MBNL2: variants seen among roughly 807,000 people sequenced by gnomAD.
The protein encoded by MBNL2 is muscleblind like splicing regulator 2, also known as muscleblind-like protein 2.
Under a neutral mutation model 41.9 loss-of-function variants are expected in MBNL2, and 17 were observed. That is an observed-to-expected ratio of 0.41 (90% confidence interval 0.28 to 0.61). MBNL2 has a LOEUF of 0.61. Ranked by LOEUF, MBNL2 falls within the 20% of genes least tolerant of loss-of-function variation. MBNL2 has a pLI of 0.35. For missense variants in MBNL2, 336 were observed against 505.6 expected (o/e 0.66, Z 3.22); for synonymous variants, 195 against 182.9 (o/e 1.07, Z -0.53).
intron 1 of MBNL2, among the ~76,000 whole-genome samples, chr13:97,271,856 C>T (rs771379119): frequency 1.3e-5 from 2 of 152,174 alleles, no homozygotes; most frequent in African/African-American, 4.8e-5. Context: ...CATGTCTTTG[C>T]TATTGTAAAT....
intron 2 of MBNL2, among the ~76,000 whole-genome samples, chr13:97,313,519 G>A (rs1424522144): frequency 2.0e-5 from 3 of 152,168 alleles, no homozygotes; most frequent in Non-Finnish European, 4.4e-5. Context: ...GATTAAATGG[G>A]GTTGGCAGAA....
the MBNL2 span, among the ~76,000 whole-genome samples, chr13:97,155,026 G>A: frequency 2.6e-5 from 4 of 152,182 alleles, no homozygotes; most frequent in East Asian, 3.9e-4. Flanking sequence ...ATGAGTAATC[G>A]TCCCTTCAAC....
chr13:97,232,180 T>C (rs556983729), intron 1 of MBNL2, among the ~76,000 whole-genome samples: 1 of 152,350 alleles, frequency 6.6e-6, no homozygotes, highest in East Asian at 1.9e-4. Flanking sequence ...TACCTTGTTA[T>C]AGGTCATCCA....
At chr13:97,281,194 C>A (rs968281842) in intron 2 of MBNL2, among the ~76,000 whole-genome samples, 1 of 152,196 alleles carries the variant, frequency 6.6e-6, no homozygotes, top group African/African-American at 2.4e-5. Flanking sequence ...TCAGATAGGG[C>A]TGCTGGATTT....
the MBNL2 span, among the ~76,000 whole-genome samples, chr13:97,180,550 C>T: frequency 7.5e-4 from 114 of 152,010 alleles, 1 homozygote; most frequent in African/African-American, 2.6e-3. Context: ...GCCTAGGCAA[C>T]ATGGTGAAAC....
chr13:97,272,142 A>C (rs1035669367), intron 1 of MBNL2, among the ~76,000 whole-genome samples: 1 of 152,020 alleles, frequency 6.6e-6, no homozygotes, highest in Non-Finnish European at 1.5e-5. Flanking sequence ...ATGGTATCTC[A>C]TTGTGGTTTT....
chr13:97,145,374 G>C, the MBNL2 span, among the ~76,000 whole-genome samples: 2 of 152,200 alleles, frequency 1.3e-5, no homozygotes, highest in African/African-American at 2.4e-5. Context: ...TAATGAAAGA[G>C]AGAAAAGAGA....
intron 8 of MBNL2, among the ~76,000 whole-genome samples, chr13:97,368,671 A>G (rs994203224): frequency 6.6e-6 from 1 of 151,470 alleles, no homozygotes; most frequent in Non-Finnish European, 1.5e-5. Flanking sequence ...AAAAACTTTG[A>G]GAGAGAGATT....
chr13:97,344,699 G>A (rs2061697444), intron 4 of MBNL2, among the ~76,000 whole-genome samples: 1 of 152,208 alleles, frequency 6.6e-6, no homozygotes, highest in African/African-American at 2.4e-5. Flanking sequence ...ACCTTTCACA[G>A]GACTGGAAAA....
At chr13:97,280,615 A>T (rs1161506062) in intron 2 of MBNL2, among the ~76,000 whole-genome samples, 1 of 152,206 alleles carries the variant, frequency 6.6e-6, no homozygotes, top group African/African-American at 2.4e-5. Context: ...GTAAAGAGCA[A>T]CACTGCAAAG....
At chr13:97,276,430 T>C (rs1487122309) in intron 2 of MBNL2, 21 bp downstream of exon 2, 1 of 1,609,398 alleles carries the variant, frequency 6.2e-7, no homozygotes, top group Non-Finnish European at 8.5e-7. Flanking sequence ...GCGTTTTATG[T>C]GTCATTTCAA....
intron 7 of MBNL2, among the ~76,000 whole-genome samples, chr13:97,362,700 G>A (rs1566441851): frequency 6.6e-6 from 1 of 152,034 alleles, no homozygotes; most frequent in Non-Finnish European, 1.5e-5. Context: ...GCCTGCATTT[G>A]GAAAGATCTA....
In MBNL2 at chr13:97,346,030, A is replaced by G. The variant is rs1242946291; in HGVS notation, c.541-774A>G. Among the ~76,000 whole-genome samples, 6 of 152,296 alleles carry G rather than the reference A, an allele frequency of 3.9e-5. No individual in the cohort carries two copies. Among genetic ancestry groups the G allele is most frequent in the African/African-American group, 1.4e-4 (6 of 41,564 alleles). ...AGATAGGTAGGTAACTAGATTAGAT[A>G]GATGATTAATTAATTGATAGATTTT... is the stretch of plus-strand genomic sequence containing the variant. On this transcript the variant is annotated intron_variant, in intron 4 of 8. Coordinates refer to ENST00000679496, the MANE Select transcript of MBNL2 (RefSeq NM_001382683.1). This position sits in a 1 kb window ranked among gnomAD's most constrained non-coding sequence, Gnocchi z 4.2.
intron 2 of MBNL2, among the ~76,000 whole-genome samples, chr13:97,294,122 C>T (rs1421804900): frequency 1.3e-5 from 2 of 151,958 alleles, no homozygotes; most frequent in African/African-American, 2.4e-5. Flanking sequence ...CATTGAATTT[C>T]ATTTTTAATT....
At chr13:97,273,162 A>AG in intron 1 of MBNL2, among the ~76,000 whole-genome samples, 1 of 152,282 alleles carries the variant, frequency 6.6e-6, no homozygotes, top group South Asian at 2.1e-4. Context: ...GAGGTTGAGC[A>AG]TCTACCTTGG....
chr13:97,334,428 A>ACTTCATCCAGTGGTGAGTACAT lies in MBNL2; in HGVS notation c.331_339+13dup, dbSNP rs2060706692. On this transcript the variant is annotated frameshift_variant, in exon 3 of 9. Transcript: ENST00000679496. LOFTEE classifies it high-confidence loss of function. This position sits in a 1 kb window ranked among gnomAD's most constrained non-coding sequence, Gnocchi z 5.3. The stretch of plus-strand genomic sequence containing the variant: ...TGCAATTTATGTTTCCAGGAACACC[A>ACTTCATCCAGTGGTGAGTACAT]CTTCATCCAGTGGTGAGTACATCTT... 1 of 1,611,872 alleles carries ACTTCATCCAGTGGTGAGTACAT rather than the reference A, an allele frequency of 6.2e-7. No homozygotes were observed. The highest frequency in any genetic ancestry group is 1.3e-5 in the African/African-American group (1 of 74,972).
At chr13:97,277,329 ATAAG>A (rs1457566967) in intron 2 of MBNL2, among the ~76,000 whole-genome samples, 1 of 152,204 alleles carries the variant, frequency 6.6e-6, no homozygotes, top group Admixed American at 6.5e-5. Context: ...TTCAGGAGCA[ATAAG>A]TAAGGCACAT....
At chr13:97,226,957 A>G (rs1250104734) in intron 1 of MBNL2, among the ~76,000 whole-genome samples, 1 of 150,514 alleles carries the variant, frequency 6.6e-6, no homozygotes, top group East Asian at 1.9e-4. Flanking sequence ...CCTTTATCTC[A>G]CTGTCTCTAT....
intron 1 of MBNL2, among the ~76,000 whole-genome samples, chr13:97,261,422 T>C (rs748190582): frequency 1.2e-4 from 18 of 152,294 alleles, no homozygotes; most frequent in Non-Finnish European, 2.4e-4. Context: ...CACCTCCATG[T>C]GTACTAGCCT....
Sources: gnomAD v4.1 joint callset for allele counts (sites outside exome capture counted in the v4.1 genomes callset) on GRCh38, gnomAD v4.1.1 for gene constraint, Gnocchi (gnomAD v3.1) non-coding constraint, MANE v1.5 for transcripts, NCBI Gene and HGNC (gene_info 2026-07-23, HGNC 2026-07-21) for gene names.